The following MYO1D variants were observed in gnomAD, a reference collection of about 807,000 sequenced individuals.
The protein encoded by MYO1D is unconventional myosin-Id.
Under a neutral mutation model 122.0 loss-of-function variants are expected in MYO1D, and 83 were observed. The ratio of observed to expected loss-of-function variants is 0.68; its 90% confidence interval spans 0.57 to 0.82. The LOEUF (loss-of-function observed/expected upper bound fraction) is 0.82. Ranked by LOEUF, MYO1D falls within the 40% of genes least tolerant of loss-of-function variation. MYO1D has a pLI of 0.00. For synonymous variants in MYO1D, 464 were observed against 446.9 expected (o/e 1.04, Z -0.48); for missense variants, 1,157 against 1,269.5 (o/e 0.91, Z 1.35).
At chr17:32,745,503 C>A in intron 12 of MYO1D, 1 of 405,970 alleles carries the variant, frequency 2.5e-6, no homozygotes, top group South Asian at 4.0e-5. Flanking sequence ...TGATAATTCC[C>A]TACTGGTTTA....
chr17:32,611,664 C>A (rs929505736), intron 20 of MYO1D, among the ~76,000 whole-genome samples: 2 of 152,126 alleles, frequency 1.3e-5, no homozygotes, highest in Non-Finnish European at 2.9e-5. Context: ...CACGGTGAAA[C>A]CCCGTCTCTA....
intron 1 of MYO1D, among the ~76,000 whole-genome samples, chr17:32,867,200 C>A (rs2091134264): frequency 6.6e-6 from 1 of 151,576 alleles, no homozygotes; most frequent in African/African-American, 2.4e-5. Context: ...GTGGCAGGTG[C>A]CTGTAATCCC....
chr17:32,825,171 A>G (rs1377095208), intron 1 of MYO1D, among the ~76,000 whole-genome samples: 1 of 152,230 alleles, frequency 6.6e-6, no homozygotes, highest in East Asian at 1.9e-4. Flanking sequence ...GGTGTACAAC[A>G]TTTTCAAACT....
At chr17:32,665,218 G>A (rs1183318714) in intron 16 of MYO1D, among the ~76,000 whole-genome samples, 2 of 133,876 alleles carry the variant, frequency 1.5e-5, no homozygotes, top group South Asian at 5.3e-4. Flanking sequence ...CCCCCGACCC[G>A]CCCAGCACTC....
chr17:32,704,909 C>A (rs2089287794), intron 16 of MYO1D, among the ~76,000 whole-genome samples: 1 of 152,044 alleles, frequency 6.6e-6, no homozygotes, highest in Admixed American at 6.5e-5. Flanking sequence ...TATAAAATAA[C>A]ATATTTTAAA....
rs374681409 is a variant in MYO1D, at chr17:32,629,418, T to C, written c.2709+9304A>G. On this transcript the variant is annotated intron_variant, in intron 20 of 21. Coordinates refer to ENST00000318217, the MANE Select transcript of MYO1D (RefSeq NM_015194.3). ...GGGGGTTTCAGGAAGGAATGCAAAA[T>C]GTGACAAGAGAATCCACTTATATTA... 3.3e-5 allele frequency among the ~76,000 whole-genome samples: 5 copies of C among 151,954 alleles called. No homozygotes were observed. In the East Asian group the frequency reaches 9.7e-4, roughly 29 times the overall value.
chr17:32,787,974 A>G (rs917832293), intron 1 of MYO1D, among the ~76,000 whole-genome samples: 2 of 151,934 alleles, frequency 1.3e-5, no homozygotes, highest in Admixed American at 1.3e-4. Flanking sequence ...TCTATACCAC[A>G]TTTTCTTTAT....
At chr17:32,801,867 G>C (rs971634164) in intron 1 of MYO1D, among the ~76,000 whole-genome samples, 38 of 151,736 alleles carry the variant, frequency 2.5e-4, no homozygotes, top group African/African-American at 8.5e-4. Flanking sequence ...AGATGAACCT[G>C]GACTATCTTT....
intron 21 of MYO1D, chr17:32,510,429 C>T (rs61390192): frequency 0.33 from 50,903 of 152,138 alleles, 9,800 homozygotes; most frequent in Non-Finnish European, 0.43. Context: ...TGGCCTTTGT[C>T]TGGCCAGAAG....
chr17:32,552,455 T>TCCACCCAC (rs2087026843), intron 21 of MYO1D, among the ~76,000 whole-genome samples: 1 of 86,642 alleles, frequency 1.2e-5, no homozygotes, highest in African/African-American at 3.9e-5. Context: ...CATCCATCCA[T>TCCACCCAC]CCATCCATTC....
intron 21 of MYO1D, among the ~76,000 whole-genome samples, chr17:32,513,513 C>T (rs1909769452): frequency 1.3e-5 from 2 of 152,140 alleles, no homozygotes; most frequent in African/African-American, 4.8e-5. Flanking sequence ...TCACTATATA[C>T]CATGTAGACC....
chr17:32,550,657 C>A (rs957539249), intron 21 of MYO1D, among the ~76,000 whole-genome samples: 1 of 152,162 alleles, frequency 6.6e-6, no homozygotes, highest in African/African-American at 2.4e-5. Context: ...ACTCTGCCTA[C>A]TTCTAAAAAG....
chr17:32,732,186 G>A (rs1396830798), intron 14 of MYO1D, among the ~76,000 whole-genome samples: 3 of 152,238 alleles, frequency 2.0e-5, no homozygotes, highest in Non-Finnish European at 4.4e-5. Context: ...GGCACGAACA[G>A]TCTGGACTCT....
intron 14 of MYO1D, among the ~76,000 whole-genome samples, chr17:32,726,396 G>T (rs1207231323): frequency 2.6e-5 from 4 of 151,048 alleles, no homozygotes; most frequent in Admixed American, 6.6e-5. Flanking sequence ...CTCCAGTCTG[G>T]GTGACAGAGT....
At chr17:32,829,852 G>C (rs981384312) in intron 1 of MYO1D, among the ~76,000 whole-genome samples, 2 of 152,126 alleles carry the variant, frequency 1.3e-5, no homozygotes, top group Admixed American at 6.6e-5. Flanking sequence ...AAAGTCCCTA[G>C]CATGAGACCT....
At chr17:32,504,081 A>G (rs1046202119) in intron 21 of MYO1D, among the ~76,000 whole-genome samples, 14 of 152,176 alleles carry the variant, frequency 9.2e-5, no homozygotes, top group African/African-American at 3.4e-4. Flanking sequence ...AACCATTTGT[A>G]TTTGGAAAGT....
intron 1 of MYO1D, among the ~76,000 whole-genome samples, chr17:32,787,385 AC>A (rs764562182): frequency 8.0e-5 from 12 of 150,408 alleles, no homozygotes; most frequent in Non-Finnish European, 1.5e-4. Context: ...TACACTTGTC[AC>A]CCAAGCAGCA....
chr17:32,683,434 A>T (rs1224904879), intron 16 of MYO1D, among the ~76,000 whole-genome samples: 19 of 152,126 alleles, frequency 1.2e-4, no homozygotes, highest in Non-Finnish European at 1.8e-4. Context: ...TTCGGTGTGG[A>T]TGTCCTTTCT....
chr17:32,553,314 GT>G (rs1167267847), intron 21 of MYO1D, among the ~76,000 whole-genome samples: 1 of 152,186 alleles, frequency 6.6e-6, no homozygotes, highest in African/African-American at 2.4e-5. Flanking sequence ...TCACAACAGT[GT>G]TGAGTGAATT....
Sources: allele counts gnomAD v4.1 joint callset (sites outside exome capture counted in the v4.1 genomes callset), GRCh38; gene constraint gnomAD v4.1.1; transcripts MANE v1.5; gene names NCBI Gene and HGNC (gene_info 2026-07-23, HGNC 2026-07-21).